Variants in NRXN1 observed in about 807,000 individuals in gnomAD.
NRXN1 encodes neurexin 1, also known as neurexin-1.
In NRXN1, 39 loss-of-function variants were observed where a neutral mutation model predicts 150.9. The ratio of observed to expected loss-of-function variants is 0.26; its 90% CI spans 0.20 to 0.34. The LOEUF is 0.34. NRXN1 is among the 10% of genes least tolerant of loss of function. The pLI is 1.00. For missense variants in NRXN1, 1,815 were observed against 1,949.9 expected (o/e 0.93, Z 1.30); for synonymous variants, 924 against 757.0 (o/e 1.22, Z -3.62).
At chr2:50,798,869 A>T (rs1444970834) in intron 5 of NRXN1, among the ~76,000 whole-genome samples, 3 of 152,246 alleles carry the variant, frequency 2.0e-5, no homozygotes, top group Non-Finnish European at 4.4e-5. Flanking sequence ...TTGCTAAAAA[A>T]TAATTTGAGA....
rs200805449 is a variant in NRXN1, at chr2:50,124,119, G to T, written c.3547-32625C>A. Among the ~76,000 whole-genome samples, 4 of 152,120 alleles carry T rather than the reference G, an allele frequency of 2.6e-5. No homozygotes were observed. The East Asian group carries it at 7.8e-4, about 29-fold the overall frequency. ...AGGAGAAAGAACAGGAAAAACAGAA[G>T]AAAACCCAGGAAAGTGTATAGCTCT... On this transcript the variant is annotated intron_variant, in intron 18 of 22. Coordinates refer to ENST00000401669, the MANE Select transcript of NRXN1 (RefSeq NM_001330078.2).
At chr2:50,992,368 T>C (rs1238921890) in intron 2 of NRXN1, among the ~76,000 whole-genome samples, 1 of 151,950 alleles carries the variant, frequency 6.6e-6, no homozygotes, top group East Asian at 1.9e-4. Context: ...TGAATGTAAA[T>C]ATTCTACCCT....
intron 18 of NRXN1, among the ~76,000 whole-genome samples, chr2:50,193,164 T>C (rs2061551155): frequency 6.6e-6 from 1 of 152,198 alleles, no homozygotes. Flanking sequence ...ATTATTTTCA[T>C]AAAAATAATT....
chr2:50,887,745 A>G (rs1365864811), intron 5 of NRXN1, among the ~76,000 whole-genome samples: 1 of 151,342 alleles, frequency 6.6e-6, no homozygotes, highest in African/African-American at 2.4e-5. Context: ...CATTAAATTC[A>G]TGTTCATGGT....
intron 17 of NRXN1, among the ~76,000 whole-genome samples, chr2:50,361,549 G>A (rs1020019279): frequency 7.2e-5 from 11 of 151,978 alleles, no homozygotes; most frequent in East Asian, 5.8e-4. Context: ...TACACCCTCC[G>A]AAGACTAAAT....
chr2:50,409,247 A>G (rs2082975899), intron 17 of NRXN1, among the ~76,000 whole-genome samples: 1 of 152,234 alleles, frequency 6.6e-6, no homozygotes, highest in Admixed American at 6.5e-5. Context: ...CAAGGAACTC[A>G]TCAAATACCA....
At chr2:50,679,807 A>G (rs1690100533) in intron 5 of NRXN1, among the ~76,000 whole-genome samples, 1 of 152,078 alleles carries the variant, frequency 6.6e-6, no homozygotes, top group Non-Finnish European at 1.5e-5. Context: ...ATCCTGTCCT[A>G]TATGCTATGC....
chr2:50,680,289 T>C (rs1360860011), intron 5 of NRXN1, among the ~76,000 whole-genome samples: 1 of 152,140 alleles, frequency 6.6e-6, no homozygotes, highest in African/African-American at 2.4e-5. Context: ...TTCTTCTGAA[T>C]TTATTTTGAT....
At chr2:50,301,087 GA>G (rs1205466766) in intron 17 of NRXN1, among the ~76,000 whole-genome samples, 1 of 152,134 alleles carries the variant, frequency 6.6e-6, no homozygotes, top group African/African-American at 2.4e-5. Flanking sequence ...AAATTCTCCA[GA>G]AAAGAGCCAT....
rs78239267 is a variant in NRXN1 at position 51,004,182 on chromosome 2, T to C, written c.772+23320A>G. 0.016 allele frequency among the ~76,000 whole-genome samples: 2,429 copies of C among 152,012 alleles called. 94 individuals are homozygous for C. In the East Asian group the frequency reaches 0.17, roughly 10 times the overall value. ...CCTTTCACAGATGCTGGACAGATACTAAGCAAACTACTGCTCACACACCTG... is the reference window on the plus strand; with the variant it reads ...CCTTTCACAGATGCTGGACAGATACCAAGCAAACTACTGCTCACACACCTG... On this transcript the variant is annotated intron_variant, in intron 2 of 22. Coordinates refer to ENST00000401669, the MANE Select transcript of NRXN1 (RefSeq NM_001330078.2).
At chr2:50,745,311 G>T (rs528397944) in intron 5 of NRXN1, among the ~76,000 whole-genome samples, 1 of 137,790 alleles carries the variant, frequency 7.3e-6, no homozygotes. Flanking sequence ...CCCCCCCCAG[G>T]ACTGAAAAAA....
intron 16 of NRXN1, among the ~76,000 whole-genome samples, chr2:50,470,458 T>C (rs996242114): frequency 1.3e-5 from 2 of 151,870 alleles, no homozygotes; most frequent in African/African-American, 4.8e-5. Flanking sequence ...CTAGTATTAC[T>C]GAAATACAGT....
At chr2:50,630,633 A>C (rs1004709921) in intron 5 of NRXN1, among the ~76,000 whole-genome samples, 1 of 151,760 alleles carries the variant, frequency 6.6e-6, no homozygotes, top group African/African-American at 2.4e-5. Context: ...AAACTAGCCA[A>C]TATTATTATT....
intron 18 of NRXN1, among the ~76,000 whole-genome samples, chr2:50,091,776 G>A (rs998407966): frequency 1.3e-5 from 2 of 152,186 alleles, no homozygotes; most frequent in African/African-American, 4.8e-5. Flanking sequence ...ACAGCTGCCT[G>A]CACAAAGGAC....
chr2:50,502,396 C>T (rs2091992950), intron 13 of NRXN1, among the ~76,000 whole-genome samples: 2 of 152,052 alleles, frequency 1.3e-5, no homozygotes, highest in East Asian at 1.9e-4. Context: ...ACTACTATAA[C>T]TGCCCTAGTT....
chr2:50,453,222 T>C (rs776748964), intron 17 of NRXN1, among the ~76,000 whole-genome samples: 2 of 143,316 alleles, frequency 1.4e-5, no homozygotes, highest in Non-Finnish European at 3.1e-5. Flanking sequence ...ATTAGAATCA[T>C]ATGGAGGCTC....
chr2:50,362,815 G>C (rs2079317880), intron 17 of NRXN1, among the ~76,000 whole-genome samples: 1 of 152,162 alleles, frequency 6.6e-6, no homozygotes, highest in Non-Finnish European at 1.5e-5. Flanking sequence ...AATAAAGCTA[G>C]AGGCATCACG....
intron 5 of NRXN1, among the ~76,000 whole-genome samples, chr2:50,882,972 A>G (rs1450335627): frequency 6.6e-6 from 1 of 151,872 alleles, no homozygotes; most frequent in Non-Finnish European, 1.5e-5. Flanking sequence ...TGACATACAT[A>G]TTTGGTAACA....
chr2:50,760,110 C>T (rs2105377161), intron 5 of NRXN1, among the ~76,000 whole-genome samples: 1 of 151,952 alleles, frequency 6.6e-6, no homozygotes, highest in African/African-American at 2.4e-5. Flanking sequence ...ACAGCCTGAT[C>T]CTGTACTACT....
Sources: gnomAD v4.1 joint callset for allele counts (sites outside exome capture counted in the v4.1 genomes callset) on GRCh38, gnomAD v4.1.1 for gene constraint, MANE v1.5 for transcripts, NCBI Gene and HGNC (gene_info 2026-07-23, HGNC 2026-07-21) for gene names.